The following TOP2A variants were observed in gnomAD, a reference collection of about 807,000 sequenced individuals.
TOP2A encodes DNA topoisomerase II alpha.
Under a neutral mutation model 187.2 loss-of-function variants are expected in TOP2A, and 68 were observed. That is an observed-to-expected ratio of 0.36 (90% CI 0.30 to 0.44). The LOEUF (loss-of-function observed/expected upper bound fraction) is 0.44. TOP2A is among the 20% of genes least tolerant of loss of function. The pLI is 1.00. For synonymous variants in TOP2A, 542 were observed against 593.2 expected, an observed-to-expected ratio of 0.91 and a Z score of 1.25; for missense variants, 1,196 against 1,808.7, an observed-to-expected ratio of 0.66 and a Z score of 6.14.
chr17:40,410,736 T>C (rs1406400176), intron 10 of TOP2A: 3 of 429,004 alleles, frequency 7.0e-6, no homozygotes, highest in African/African-American at 4.1e-5. Flanking sequence ...AGATAGGAAG[T>C]TGTTTTTTTG....
chr17:40,417,701 G>C, intron 1 of TOP2A, 70 bp downstream of exon 1: 1 of 1,605,998 alleles, frequency 6.2e-7, no homozygotes. Context: ...AGCTTCACCC[G>C]TCACGGGCGG....
Position 40,417,846 on chromosome 17 carries a change from C to A in TOP2A, c.-55G>T, listed in dbSNP as rs2035412853. 6.2e-7 allele frequency: 1 copy of A among 1,608,724 alleles called. No homozygotes were observed. On this transcript the variant is annotated 5_prime_UTR_variant, in exon 1 of 35. Coordinates refer to ENST00000423485, the MANE Select transcript of TOP2A (RefSeq NM_001067.4). ...CTGAAAGCGACTAAACAGGCAGGAC[C>A]CCACGAGACCACCCCCGACCAAGCC...
intron 5 of TOP2A, 49 bp downstream of exon 5, chr17:40,413,431 A>C (rs1156879869): frequency 3.5e-6 from 5 of 1,440,280 alleles, no homozygotes; most frequent in Non-Finnish European, 4.7e-6. Context: ...AGTCATTTAA[A>C]TATATATATT....
rs752983448 is a variant in TOP2A at position 40,406,788 on chromosome 17, T to A, written c.1737+44A>T. On this transcript the variant is annotated intron_variant, in intron 14 of 34. Transcript: ENST00000423485. Reference sequence around the variant, plus strand: ...TATATGTATATCCAGGTTTGAGGAGTAGGGTCTTAAAATATCCATGATGGT... The same window carrying A: ...TATATGTATATCCAGGTTTGAGGAGAAGGGTCTTAAAATATCCATGATGGT... 6 of 1,580,316 alleles carry A rather than the reference T, an allele frequency of 3.8e-6. No homozygotes were observed. The African/African-American group carries it at 6.7e-5, about 18-fold the overall frequency.
chr17:40,405,010 C>G, intron 16 of TOP2A, 127 bp from the exon 17 acceptor site: 1 of 597,240 alleles, frequency 1.7e-6, no homozygotes, highest in Non-Finnish European at 2.8e-6. Context: ...TTTTTTGAGA[C>G]GGGAGTTACT....
Position 40,416,995 on chromosome 17 carries a change from A to G in TOP2A, c.22-100T>C, listed in dbSNP as rs376923337. The G allele has an allele frequency of 2.8e-5, 29 of 1,032,726 alleles. No homozygotes were observed. The East Asian group carries it at 4.2e-4, about 15-fold the overall frequency. 64.0% of individuals were successfully genotyped at this position (1,032,726 alleles called of 1,614,324 possible). A position where few individuals can be genotyped will look rare whatever the true frequency, so the allele number is the denominator to read the frequency against. On this transcript the variant is annotated intron_variant, in intron 1 of 34. Transcript: ENST00000423485. ...CTACCATAGTGAGATGTCAACATGC[A>G]TTGCAATCTGTTAGTAGGCAGTGGT...
rs1488062405 is a variant in TOP2A at position 40,403,029 on chromosome 17, T to C, written c.2309A>G (p.Asn770Ser). 4.4e-6 allele frequency: 7 copies of C among 1,600,466 alleles called. No homozygotes were observed. The highest frequency in any genetic ancestry group is 2.3e-5 in the South Asian group (2 of 88,650). The change falls in exon 20 of 35, where the codon AAT (asparagine) becomes AGT (serine). Residue 770 changes from asparagine (N) to serine (S), a missense_variant. Physicochemically the swap from Asn to Ser is conservative, Grantham distance 46 (BLOSUM62 1). Transcript: ENST00000423485. Reference sequence around the variant, plus strand: ...GCTACCCACAAAATTCTGAGCCAAATTGATAATGGTCATCATTAGTGACAT... The same window carrying C: ...GCTACCCACAAAATTCTGAGCCAAACTGATAATGGTCATCATTAGTGACAT... ...GEMSLMMTII[N>S]LAQNFVGSNN...
chr17:40,417,009 G>C, intron 1 of TOP2A, 114 bp from the exon 2 acceptor site: 1 of 919,894 alleles, frequency 1.1e-6, no homozygotes, highest in Non-Finnish European at 1.6e-6. Flanking sequence ...CAATCTGTTA[G>C]TAGGCAGTGG....
rs1380498760 is a variant in TOP2A, at chr17:40,404,829, C to G, written c.2008G>C (p.Glu670Gln). 1 of 1,604,674 alleles carries G rather than the reference C, an allele frequency of 6.2e-7. No individual in the cohort carries two copies. Among genetic ancestry groups the G allele is most frequent in the African/African-American group, 1.3e-5 (1 of 74,846 alleles). ...AGTAACTTTCGTTGTCTTCTATCCT[C>G]CATGAAATTAGTTAACCATTCCTTT... Reference protein sequence around the residue: ...DRKEWLTNFMEDRRQRKLLGL... With the variant: ...DRKEWLTNFMQDRRQRKLLGL... Residue 670 changes from glutamate to glutamine, a missense_variant, in exon 17 of 35, where the codon GAG (glutamate) becomes CAG (glutamine). By Grantham distance (29) the Glu-to-Gln change is conservative (BLOSUM62 2). Around this residue, in one of 10 missense-constraint regions of TOP2A, gnomAD observed 209 missense variants for 376.9 expected, o/e 0.55. Coordinates refer to ENST00000423485, the MANE Select transcript of TOP2A (RefSeq NM_001067.4).
Position 40,404,182 on chromosome 17 carries a change from C to T in TOP2A, c.2253G>A (p.Val751=). Residue 751 remains valine (V), a synonymous_variant, in exon 19 of 35, where the codon GTG becomes GTA. Transcript: ENST00000423485. The part of the protein sequence containing the change: ...EVKVAQLAGS[V]AEMSSYHHGE... Reference sequence around the variant, plus strand: ...CATGATGATAAGAAGACATTTCAGCCACTGATCCAGCTAATTGGGCAACCT... The same window carrying T: ...CATGATGATAAGAAGACATTTCAGCTACTGATCCAGCTAATTGGGCAACCT... 1 of 1,613,808 alleles carries T rather than the reference C, an allele frequency of 6.2e-7. No homozygotes were observed. Among genetic ancestry groups the T allele is most frequent in the Non-Finnish European group, 8.5e-7 (1 of 1,179,836 alleles).
chr17:40,398,389 C>T (rs984909992), intron 27 of TOP2A, among the ~76,000 whole-genome samples, 169 bp downstream of exon 27: 1 of 152,184 alleles, frequency 6.6e-6, no homozygotes, highest in African/African-American at 2.4e-5. Context: ...CCAGCGTGAG[C>T]CACTGCACCT....
In TOP2A at chr17:40,392,671, G is replaced by A. The variant is rs2035040286; in HGVS notation, c.3878C>T (p.Pro1293Leu). Residue 1293 changes from proline (P) to leucine (L), a missense_variant, in exon 30 of 35, where the codon CCC becomes CTC. This residue lies in a region of TOP2A where 374 missense variants were observed against 403.3 expected (regional missense o/e 0.93). Transcript: ENST00000423485. ...CCTATCTGATTCTGAATCAGACCAGGGATTTCTCTTCTTTCCTTTTTTGAT... is the reference window on the plus strand; with the variant it reads ...CCTATCTGATTCTGAATCAGACCAGAGATTTCTCTTCTTTCCTTTTTTGAT... ...KPIKKGKKRN[P>L]WSDSESDRSS... 1.2e-6 allele frequency: 2 copies of A among 1,613,156 alleles called. No individual in the cohort carries two copies. The highest frequency in any genetic ancestry group is 1.7e-6 in the Non-Finnish European group (2 of 1,179,678).
intron 4 of TOP2A, among the ~76,000 whole-genome samples, chr17:40,414,514 G>A (rs2035366148): frequency 6.6e-6 from 1 of 152,028 alleles, no homozygotes. Context: ...CCCCTTTCAA[G>A]AGGATCATCT....
chr17:40,413,109 GTTAAA>G (rs2035343995), intron 6 of TOP2A, 81 bp downstream of exon 6: 4 of 1,307,348 alleles, frequency 3.1e-6, no homozygotes, highest in Non-Finnish European at 2.1e-6. Context: ...TATAAATTAT[GTTAAA>G]TTAAACCAAT....
chr17:40,403,489 T>C (rs1344408842), intron 19 of TOP2A, among the ~76,000 whole-genome samples: 1 of 152,226 alleles, frequency 6.6e-6, no homozygotes, highest in Non-Finnish European at 1.5e-5. Context: ...CAAATGTTCG[T>C]TGGGTGAAAA....
Position 40,411,154 on chromosome 17 carries a change from C to A in TOP2A, c.1158G>T (p.Lys386Asn). ...QTKENMTLQP[K>N]SFGSTCQLSE... ...TCAATTGGCATGTTGATCCAAAGCT[C>A]TTGGGTTGTAAAGTCATGTTTTCTT... The change falls in exon 10 of 35, where the codon AAG becomes AAT. Residue 386 changes from lysine (K) to asparagine (N), a missense_variant. Physicochemically the swap from Lys to Asn is moderately conservative, Grantham distance 94. Transcript: ENST00000423485. This position sits in a 1 kb window ranked among gnomAD's most constrained non-coding sequence, Gnocchi z 4.4. 1.2e-5 allele frequency: 20 copies of A among 1,612,976 alleles called. No homozygotes were observed. Among genetic ancestry groups the A allele is most frequent in the Non-Finnish European group, 1.7e-5 (20 of 1,179,548 alleles).
At position 40,396,441 on chromosome 17, in the gene TOP2A, C is replaced by G; in HGVS notation, c.3562G>C (p.Asp1188His). ...LEAVEAKEKQ[D>H]EQVGLPGKGG... ...TTCCCAGGAAGTCCGACTTGTTCAT[C>G]TTGTTTTTCCTTGGCTTCAACAGCC... Residue 1188 changes from aspartate (D) to histidine (H), a missense_variant, in exon 28 of 35, where the codon GAT becomes CAT. Physicochemically the swap from Asp to His is moderately conservative, Grantham distance 81. This residue lies in a region of TOP2A where 374 missense variants were observed against 403.3 expected (regional missense o/e 0.93). Coordinates refer to ENST00000423485, the MANE Select transcript of TOP2A (RefSeq NM_001067.4). 1 of 1,613,744 alleles carries G rather than the reference C, an allele frequency of 6.2e-7. No homozygotes were observed.
intron 15 of TOP2A, 23 bp from the exon 16 acceptor site, chr17:40,406,516 T>A: frequency 1.2e-6 from 2 of 1,610,910 alleles, no homozygotes; most frequent in Non-Finnish European, 1.7e-6. Flanking sequence ...AAATACCAAG[T>A]TCCTTCATAT....
chr17:40,396,585 C>G (rs1205759774), intron 27 of TOP2A, 120 bp from the exon 28 acceptor site: 1 of 1,257,960 alleles, frequency 7.9e-7, no homozygotes, highest in Non-Finnish European at 1.1e-6. Flanking sequence ...ATAAATTGCT[C>G]CATAACCTAG....
Sources: gnomAD v4.1 joint callset for allele counts (sites outside exome capture counted in the v4.1 genomes callset) on GRCh38, gnomAD v4.1.1 for gene constraint, gnomAD v4.1.1 regional missense constraint, Gnocchi (gnomAD v3.1) non-coding constraint, MANE v1.5 for transcripts, NCBI Gene and HGNC (gene_info 2026-07-23, HGNC 2026-07-21) for gene names.